ATG7: variants seen among roughly 807,000 people sequenced by gnomAD.
ATG7 encodes the protein autophagy related 7.
Under a neutral mutation model 82.4 loss-of-function variants are expected in ATG7, and 70 were observed. The observed-to-expected ratio is 0.85, with a 90% CI of 0.70 to 1.04. The LOEUF is 1.04. ATG7 is among the 50% of genes least tolerant of loss of function. The pLI is 0.00. For synonymous variants in ATG7, 287 were observed against 313.0 expected (o/e 0.92, Z 0.88); for missense variants, 792 against 864.3 (o/e 0.92, Z 1.05).
intron 19 of ATG7, among the ~76,000 whole-genome samples, chr3:11,424,865 A>G (rs1291446774): frequency 1.3e-5 from 2 of 152,186 alleles, no homozygotes; most frequent in Non-Finnish European, 2.9e-5. Flanking sequence ...CACAAATACT[A>G]TCTATACACA....
chr3:11,307,876 C>T (rs745865296), intron 6 of ATG7, among the ~76,000 whole-genome samples: 4 of 152,188 alleles, frequency 2.6e-5, no homozygotes, highest in South Asian at 2.1e-4. Flanking sequence ...TCGGGATGGA[C>T]GCAGCTGTGA....
intron 15 of ATG7, among the ~76,000 whole-genome samples, chr3:11,359,884 T>C (rs997062494): frequency 1.4e-5 from 2 of 146,794 alleles, no homozygotes; most frequent in African/African-American, 2.5e-5. Flanking sequence ...CATGACAGTA[T>C]AGCATAATGG....
At position 11,536,716 on chromosome 3, in the gene ATG7, C is replaced by T. The variant is rs184608981; in HGVS notation, c.2080-18095C>T. On this transcript the variant is annotated intron_variant, in intron 20 of 20. Transcript: ENST00000693202. ...GCTGCCCCGACCCTGCGGCTCCGAC[C>T]GGGGCCGAGCAGCGAAGGACCACCC... is the stretch of plus-strand genomic sequence containing the variant. Among the ~76,000 whole-genome samples the T allele has an allele frequency of 4.5e-3, 678 of 152,220 alleles. 4 individuals are homozygous for T. Among genetic ancestry groups the T allele is most frequent in the African/African-American group, 0.016 (647 of 41,534 alleles).
intron 9 of ATG7, among the ~76,000 whole-genome samples, chr3:11,317,286 T>A (rs1344012740): frequency 6.6e-6 from 1 of 152,216 alleles, no homozygotes; most frequent in Non-Finnish European, 1.5e-5. Flanking sequence ...GAAGTCCTCT[T>A]GTCATAGCAG....
chr3:11,527,077 A>G (rs201893252), intron 20 of ATG7, among the ~76,000 whole-genome samples: 3,447 of 120,846 alleles, frequency 0.029, 65 homozygotes, highest in East Asian at 0.085. Flanking sequence ...GTGTGTATAT[A>G]TATATATATA....
the ATG7 span, among the ~76,000 whole-genome samples, chr3:11,573,191 A>G: frequency 6.6e-6 from 1 of 151,340 alleles, no homozygotes; most frequent in Non-Finnish European, 1.5e-5. Context: ...ACAGACAGAC[A>G]GAAAGAAAGA....
chr3:11,428,798 T>C (rs934323970), intron 20 of ATG7, among the ~76,000 whole-genome samples: 32 of 152,232 alleles, frequency 2.1e-4, no homozygotes, highest in African/African-American at 6.8e-4. Context: ...ACTTATGTAT[T>C]GTTAGCTAGA....
At chr3:11,439,069 C>CTTTTTTTTTTTTTT (rs67206280) in intron 20 of ATG7, among the ~76,000 whole-genome samples, 11 of 121,960 alleles carry the variant, frequency 9.0e-5, no homozygotes, top group Non-Finnish European at 1.1e-4. Flanking sequence ...TTCTTTCTTT[C>CTTTTTTTTTTTTTT]TTTTTTTTTT....
At chr3:11,295,497 A>G (rs1376100137) in intron 3 of ATG7, among the ~76,000 whole-genome samples, 1 of 152,202 alleles carries the variant, frequency 6.6e-6, no homozygotes, top group Non-Finnish European at 1.5e-5. Flanking sequence ...TGCTACGGAC[A>G]CAGTCAGTTA....
chr3:11,500,864 T>C (rs1039994676), intron 20 of ATG7, among the ~76,000 whole-genome samples: 1 of 152,158 alleles, frequency 6.6e-6, no homozygotes, highest in Non-Finnish European at 1.5e-5. Flanking sequence ...CTCCTGACCT[T>C]GTGATCTGCC....
At chr3:11,442,319 C>T (rs2442782) in intron 20 of ATG7, among the ~76,000 whole-genome samples, 33,224 of 152,062 alleles carry the variant, frequency 0.22, 4,082 homozygotes, top group South Asian at 0.35. Flanking sequence ...TTCATCTTGC[C>T]TGGATTTCAT....
downstream of ATG7, chr3:11,559,371 C>T (rs2072755557): frequency 1.3e-6 from 2 of 1,552,438 alleles, no homozygotes; most frequent in Non-Finnish European, 1.7e-6. Context: ...CCGGGCGCGG[C>T]ACAGCCGCTG....
chr3:11,461,570 A>G (rs1018927185), intron 20 of ATG7, among the ~76,000 whole-genome samples: 18 of 152,166 alleles, frequency 1.2e-4, no homozygotes, highest in Non-Finnish European at 7.4e-5. Context: ...AAAAGCAAGC[A>G]TTTAATCTCT....
chr3:11,545,627 T>A (rs1408089951), intron 20 of ATG7, among the ~76,000 whole-genome samples: 2 of 151,926 alleles, frequency 1.3e-5, no homozygotes, highest in African/African-American at 4.8e-5. Context: ...GCCAGCCCTG[T>A]CCCCTCTCTG....
intron 18 of ATG7, among the ~76,000 whole-genome samples, chr3:11,367,106 G>C (rs1021032658): frequency 6.6e-6 from 1 of 151,442 alleles, no homozygotes; most frequent in South Asian, 2.1e-4. Flanking sequence ...AATTAATCAG[G>C]GTTGTGTGGT....
In ATG7 at chr3:11,348,020, A is replaced by G; in HGVS notation, c.1269A>G (p.Lys423=). Residue 423 remains lysine (K), a synonymous_variant, in exon 14 of 21, where the codon AAA becomes AAG. Transcript: ENST00000693202. The part of the protein sequence containing the change: ...KALAAADRLQ[K]IFPGVNARGF... ...TGGCAGCAGCGGACCGGCTCCAGAA[A>G]ATATTCCCCGGTGTGGTATGTTGTT... 2.5e-6 allele frequency: 4 copies of G among 1,613,850 alleles called. No individual in the cohort carries two copies. Among genetic ancestry groups the G allele is most frequent in the Non-Finnish European group, 3.4e-6 (4 of 1,179,804 alleles).
intron 1 of ATG7, 195 bp downstream of exon 1, chr3:11,272,625 G>A (rs1353723858): frequency 1.3e-5 from 2 of 152,390 alleles, no homozygotes; most frequent in Non-Finnish European, 2.9e-5. Flanking sequence ...GTCTGTAGCC[G>A]CGTCCCCTCA....
At chr3:11,386,794 C>T (rs940527636) in intron 19 of ATG7, among the ~76,000 whole-genome samples, 1 of 152,200 alleles carries the variant, frequency 6.6e-6, no homozygotes, top group African/African-American at 2.4e-5. Context: ...ATATATCCCA[C>T]ATCTTGTCCT....
intron 20 of ATG7, among the ~76,000 whole-genome samples, chr3:11,493,930 A>T (rs1252741596): frequency 6.6e-6 from 1 of 152,240 alleles, no homozygotes; most frequent in African/African-American, 2.4e-5. Context: ...ATTGAGAACC[A>T]TGACTGGAAA....
Sources: gnomAD v4.1 joint callset for allele counts (sites outside exome capture counted in the v4.1 genomes callset) on GRCh38, gnomAD v4.1.1 for gene constraint, MANE v1.5 for transcripts, NCBI Gene and HGNC (gene_info 2026-07-23, HGNC 2026-07-21) for gene names.